The following NFIB variants were observed in gnomAD, a reference collection of about 807,000 sequenced individuals.
The protein encoded by NFIB is nuclear factor 1 B-type.
NFIB carries 11 observed loss-of-function variants against 61.5 expected under a neutral mutation model. The ratio of observed to expected loss-of-function variants is 0.18; its 90% CI spans 0.11 to 0.30. The LOEUF (loss-of-function observed/expected upper bound fraction) is 0.30, where lower values mean the gene tolerates loss of function less well. NFIB is among the 10% of genes least tolerant of loss of function. The probability of loss-of-function intolerance (pLI) is 1.00; values close to 1 mark genes in which losing one functional copy is unlikely to be tolerated. For missense variants in NFIB, 471 were observed against 608.9 expected (o/e 0.77, Z 2.38); for synonymous variants, 260 against 216.5 (o/e 1.20, Z -1.76).
At position 14,182,704 on chromosome 9, in the gene NFIB, CTCTCTG is replaced by C. The variant is rs1394083991; in HGVS notation, c.563-2930_563-2925del. Among the ~76,000 whole-genome samples, 44 of 128,466 alleles carry C rather than the reference CTCTCTG, an allele frequency of 3.4e-4. No individual in the cohort carries two copies. In the East Asian group the frequency reaches 8.9e-3, roughly 26 times the overall value. 84.3% of individuals were successfully genotyped at this position (128,466 alleles called of 152,430 possible). On this transcript the variant is annotated intron_variant, in intron 2 of 10. Coordinates refer to ENST00000380953, the MANE Select transcript of NFIB (RefSeq NM_001190737.2). ...CCCACCTCTCTCTCTCTCTCTCTCT[CTCTCTG>C]TGTGTGTGTGTGTGTGTGTGTGTGT...
At chr9:14,106,482 A>T (rs1005069069) in intron 10 of NFIB, among the ~76,000 whole-genome samples, 1 of 152,108 alleles carries the variant, frequency 6.6e-6, no homozygotes, top group Non-Finnish European at 1.5e-5. Flanking sequence ...GTGAAGGTGA[A>T]GTTTTCACTG....
chr9:14,268,464 C>T (rs1465187022), intron 2 of NFIB, among the ~76,000 whole-genome samples: 1 of 152,190 alleles, frequency 6.6e-6, no homozygotes, highest in Non-Finnish European at 1.5e-5. Context: ...TGACCCCCAA[C>T]TACCAACATG....
intron 10 of NFIB, among the ~76,000 whole-genome samples, chr9:14,090,324 T>C (rs2033679047): frequency 6.6e-6 from 1 of 152,156 alleles, no homozygotes; most frequent in African/African-American, 2.4e-5. Flanking sequence ...TTAACTGTTT[T>C]CACATATTTA....
intron 1 of NFIB, among the ~76,000 whole-genome samples, chr9:14,393,309 T>A (rs974635862): frequency 2.0e-5 from 3 of 152,188 alleles, no homozygotes; most frequent in African/African-American, 4.8e-5. Context: ...CATTTCACCA[T>A]CTGGTGTCTG....
chr9:14,376,025 T>G (rs1267609410), intron 1 of NFIB, among the ~76,000 whole-genome samples: 1 of 152,242 alleles, frequency 6.6e-6, no homozygotes, highest in African/African-American at 2.4e-5. Context: ...TCACTGATTG[T>G]TTCTTCATTT....
At chr9:14,352,948 A>G (rs1564026348) in intron 1 of NFIB, among the ~76,000 whole-genome samples, 1 of 152,210 alleles carries the variant, frequency 6.6e-6, no homozygotes, top group African/African-American at 2.4e-5. Context: ...GTCTTAAAGT[A>G]GAAGAGGATG....
chr9:14,419,749 AGT>A, the NFIB span, among the ~76,000 whole-genome samples: 4 of 152,082 alleles, frequency 2.6e-5, no homozygotes, highest in Non-Finnish European at 5.9e-5. Context: ...GACAGTCCTC[AGT>A]GGCATCTGCT....
At chr9:14,398,264 A>G (rs2061707263) in intron 1 of NFIB, among the ~76,000 whole-genome samples, 1 of 152,206 alleles carries the variant, frequency 6.6e-6, no homozygotes, top group Admixed American at 6.5e-5. Context: ...CATAATACCT[A>G]TGCTGTTTCT....
At chr9:14,109,963 A>C (rs2037101959) in intron 10 of NFIB, among the ~76,000 whole-genome samples, 1 of 152,102 alleles carries the variant, frequency 6.6e-6, no homozygotes, top group African/African-American at 2.4e-5. Context: ...AAGATGTATA[A>C]TTACTAATAA....
rs140116284 is a variant in NFIB, at chr9:14,158,003, C to T, written c.617-2110G>A. Among the ~76,000 whole-genome samples the T allele has an allele frequency of 9.7e-3, 1,461 of 149,894 alleles. 13 individuals are homozygous for T. Among genetic ancestry groups the T allele is most frequent in the Middle Eastern group, 0.042 (12 of 284 alleles). ...GCGGGCACCTGTAGTCTCAGCTACT[C>T]GGGAGGCCGAGGCAGGAGAATCACT... On this transcript the variant is annotated intron_variant, in intron 3 of 10. Transcript: ENST00000380953.
chr9:14,315,457 C>T (rs1421428355), upstream of NFIB, among the ~76,000 whole-genome samples: 2 of 148,780 alleles, frequency 1.3e-5, no homozygotes, highest in Non-Finnish European at 1.5e-5. Context: ...AATCCCCACC[C>T]CCCGGGGCCC....
intron 2 of NFIB, among the ~76,000 whole-genome samples, chr9:14,249,650 T>TA (rs895560477): frequency 6.0e-5 from 9 of 150,264 alleles, no homozygotes; most frequent in East Asian, 2.0e-4. Flanking sequence ...GCAAGTACTG[T>TA]AAAAAAATAG....
At chr9:14,097,510 G>A (rs974009638) in intron 10 of NFIB, among the ~76,000 whole-genome samples, 1 of 152,096 alleles carries the variant, frequency 6.6e-6, no homozygotes, top group Non-Finnish European at 1.5e-5. Flanking sequence ...TAGTGAATTC[G>A]CGGGGATGTT....
chr9:14,334,901 G>A (rs2060867390), intron 1 of NFIB, among the ~76,000 whole-genome samples: 1 of 151,882 alleles, frequency 6.6e-6, no homozygotes, highest in East Asian at 1.9e-4. Flanking sequence ...AGCTTAATTT[G>A]CATTTTATAA....
At chr9:14,359,952 T>A (rs1217672327) in intron 1 of NFIB, among the ~76,000 whole-genome samples, 1 of 152,248 alleles carries the variant, frequency 6.6e-6, no homozygotes, top group Non-Finnish European at 1.5e-5. Flanking sequence ...ATATTACATA[T>A]TATATGAGAA....
intron 6 of NFIB, among the ~76,000 whole-genome samples, chr9:14,139,259 A>G (rs2041422208): frequency 6.6e-6 from 1 of 152,202 alleles, no homozygotes; most frequent in Non-Finnish European, 1.5e-5. Flanking sequence ...AGCTTGAATT[A>G]TGTCTTACTA....
intron 2 of NFIB, among the ~76,000 whole-genome samples, chr9:14,201,088 G>T (rs1463265580): frequency 6.6e-6 from 1 of 151,982 alleles, no homozygotes; most frequent in Non-Finnish European, 1.5e-5. Context: ...CATCCCAACT[G>T]GTGCTAAGTC....
intron 1 of NFIB, among the ~76,000 whole-genome samples, chr9:14,376,761 G>A (rs146014449): frequency 0.015 from 2,327 of 151,902 alleles, 56 homozygotes; most frequent in African/African-American, 0.053. Flanking sequence ...CAGGTGATCC[G>A]CTCACCTCAG....
At chr9:14,150,411 C>G in intron 4 of NFIB, 146 bp from the exon 5 acceptor site, 1 of 1,349,522 alleles carries the variant, frequency 7.4e-7, no homozygotes, top group Non-Finnish European at 1.0e-6. Context: ...ACCATACAAC[C>G]TGGGTAGGAC....
Sources: gnomAD v4.1 joint callset for allele counts (sites outside exome capture counted in the v4.1 genomes callset) on GRCh38, gnomAD v4.1.1 for gene constraint, MANE v1.5 for transcripts, NCBI Gene and HGNC (gene_info 2026-07-23, HGNC 2026-07-21) for gene names.